The following KCNC2 variants were observed in gnomAD, a reference collection of about 807,000 sequenced individuals.
KCNC2 encodes the protein voltage-gated potassium channel KCNC2.
A neutral mutation model predicts 44.5 loss-of-function variants in KCNC2; 21 were observed. The ratio of observed to expected loss-of-function variants is 0.47; its 90% CI spans 0.33 to 0.68. The LOEUF (loss-of-function observed/expected upper bound fraction) is 0.68. KCNC2 is among the 30% of genes least tolerant of loss of function. The pLI is 0.01. For missense variants in KCNC2, 589 were observed against 826.2 expected (o/e 0.71, Z 3.52); for synonymous variants, 391 against 339.1 (o/e 1.15, Z -1.68).
At chr12:75,154,188 T>G (rs1329817396) in intron 2 of KCNC2, among the ~76,000 whole-genome samples, 5 of 152,050 alleles carry the variant, frequency 3.3e-5, no homozygotes, top group Non-Finnish European at 5.9e-5. Context: ...CTGAAGTAGA[T>G]GACCCCTAGG....
intron 2 of KCNC2, among the ~76,000 whole-genome samples, chr12:75,102,770 A>G (rs1000947677): frequency 2.0e-5 from 3 of 152,026 alleles, no homozygotes; most frequent in African/African-American, 7.2e-5. Flanking sequence ...GTGAGCTTTG[A>G]GTGGGCTTTA....
chr12:75,079,127 G>A (rs1592822324), intron 2 of KCNC2, among the ~76,000 whole-genome samples: 1 of 152,072 alleles, frequency 6.6e-6, no homozygotes, highest in South Asian at 2.1e-4. Context: ...ACCAAATGGG[G>A]TATGCATCTT....
chr12:75,196,584 A>G (rs1342607117), intron 2 of KCNC2, among the ~76,000 whole-genome samples: 2 of 152,110 alleles, frequency 1.3e-5, no homozygotes, highest in Non-Finnish European at 2.9e-5. Context: ...TGAGTCAGAC[A>G]CTATTATTTT....
intron 2 of KCNC2, among the ~76,000 whole-genome samples, chr12:75,121,786 T>C (rs1888062176): frequency 1.3e-5 from 2 of 152,180 alleles, no homozygotes; most frequent in African/African-American, 4.8e-5. Flanking sequence ...AATTGTAATA[T>C]CAGAGCAAAG....
intron 2 of KCNC2, chr12:75,123,898 A>G (rs1284832012): frequency 1.3e-5 from 2 of 152,210 alleles, no homozygotes; most frequent in East Asian, 3.9e-4. Context: ...CACTTTTGCA[A>G]CACAGTGCAG....
intron 2 of KCNC2, among the ~76,000 whole-genome samples, chr12:75,143,210 A>G (rs746936269): frequency 8.5e-5 from 13 of 152,160 alleles, no homozygotes; most frequent in Non-Finnish European, 1.8e-4. Flanking sequence ...CACTTCCCTC[A>G]TCTACGAAGT....
At chr12:75,200,955 GTGT>G (rs2031194395) in intron 2 of KCNC2, among the ~76,000 whole-genome samples, 2 of 151,712 alleles carry the variant, frequency 1.3e-5, no homozygotes, top group South Asian at 4.2e-4. Flanking sequence ...GAAAAACATG[GTGT>G]TGTTGATAAG....
intron 2 of KCNC2, among the ~76,000 whole-genome samples, chr12:75,063,588 G>A (rs1882550289): frequency 2.0e-5 from 3 of 152,070 alleles, no homozygotes; most frequent in Admixed American, 2.0e-4. Context: ...TGTTGAGGGT[G>A]ATGGTGGGGG....
At chr12:75,135,645 A>G (rs966478040) in intron 2 of KCNC2, among the ~76,000 whole-genome samples, 2 of 152,022 alleles carry the variant, frequency 1.3e-5, no homozygotes, top group African/African-American at 4.8e-5. Context: ...TCAAAGATAG[A>G]AAGTATAAGA....
chr12:75,074,289 C>A (rs1159194620), intron 2 of KCNC2, among the ~76,000 whole-genome samples: 1 of 128,354 alleles, frequency 7.8e-6, no homozygotes, highest in Non-Finnish European at 1.6e-5. Flanking sequence ...TGAAATTCTG[C>A]AAAACTCACC....
intron 2 of KCNC2, among the ~76,000 whole-genome samples, chr12:75,197,849 T>G (rs1470877702): frequency 2.0e-5 from 3 of 151,888 alleles, no homozygotes; most frequent in Non-Finnish European, 4.4e-5. Flanking sequence ...TCAAGTACTC[T>G]GACAACTGCA....
chr12:75,085,314 T>C (rs1054160924), intron 2 of KCNC2, among the ~76,000 whole-genome samples: 1 of 151,954 alleles, frequency 6.6e-6, no homozygotes, highest in Non-Finnish European at 1.5e-5. Context: ...CTTCCACCAC[T>C]ACTATTATCA....
chr12:75,194,861 G>A (rs1359217887), intron 2 of KCNC2, among the ~76,000 whole-genome samples: 1 of 152,120 alleles, frequency 6.6e-6, no homozygotes, highest in Non-Finnish European at 1.5e-5. Context: ...AAATGGTGTG[G>A]TATATATGTG....
intron 2 of KCNC2, among the ~76,000 whole-genome samples, chr12:75,131,026 A>T (rs540247775): frequency 6.6e-6 from 1 of 152,088 alleles, no homozygotes; most frequent in Non-Finnish European, 1.5e-5. Flanking sequence ...TGTTGAGAAA[A>T]GGCCTGAGGC....
intron 2 of KCNC2, among the ~76,000 whole-genome samples, chr12:75,056,875 A>C (rs1038772334): frequency 4.6e-5 from 7 of 152,066 alleles, no homozygotes; most frequent in Non-Finnish European, 1.0e-4. Flanking sequence ...CAGAACAACA[A>C]TATGCAGAAT....
chr12:75,067,498 C>G (rs1347052439), intron 2 of KCNC2, among the ~76,000 whole-genome samples: 1 of 152,068 alleles, frequency 6.6e-6, no homozygotes, highest in Non-Finnish European at 1.5e-5. Flanking sequence ...AATGAAGAGA[C>G]AAGAATATGA....
intron 2 of KCNC2, among the ~76,000 whole-genome samples, chr12:75,141,785 A>G (rs1274120196): frequency 6.6e-6 from 1 of 152,114 alleles, no homozygotes; most frequent in East Asian, 1.9e-4. Flanking sequence ...GAGTATTACT[A>G]TGTACCAGAG....
intron 2 of KCNC2, among the ~76,000 whole-genome samples, chr12:75,059,546 G>T (rs192453303): frequency 1.3e-5 from 2 of 151,916 alleles, no homozygotes; most frequent in African/African-American, 4.8e-5. Context: ...TTTTATTTTT[G>T]TCTCTTTTAA....
At chr12:75,180,369 T>A (rs1892495113) in intron 2 of KCNC2, among the ~76,000 whole-genome samples, 1 of 151,798 alleles carries the variant, frequency 6.6e-6, no homozygotes, top group Non-Finnish European at 1.5e-5. Flanking sequence ...TAGATTTGTG[T>A]AAAAAGTATG....
Sources: gnomAD v4.1 joint callset for allele counts (sites outside exome capture counted in the v4.1 genomes callset) on GRCh38, gnomAD v4.1.1 for gene constraint, MANE v1.5 for transcripts, NCBI Gene and HGNC (gene_info 2026-07-23, HGNC 2026-07-21) for gene names.